The following SEMA4A variants were observed in gnomAD, a reference collection of about 807,000 sequenced individuals.
SEMA4A encodes semaphorin-4A.
In SEMA4A, 52 loss-of-function variants were observed where a neutral mutation model predicts 72.5. That is an observed-to-expected ratio of 0.72 (90% CI 0.57 to 0.90). The LOEUF (loss-of-function observed/expected upper bound fraction) is 0.90. SEMA4A is among the 40% of genes least tolerant of loss of function. The pLI is 0.00. For synonymous variants in SEMA4A, 369 were observed against 393.1 expected, an observed-to-expected ratio of 0.94 and a Z score of 0.73; for missense variants, 926 against 959.7, an observed-to-expected ratio of 0.96 and a Z score of 0.46.
At chr1:156,149,149 A>C (rs1212219611), upstream of SEMA4A, among the ~76,000 whole-genome samples, 1 of 152,162 alleles carries the variant, frequency 6.6e-6, no homozygotes, top group African/African-American at 2.4e-5. Context: ...GTTAGGGCCC[A>C]GTAGAGACAT....
At chr1:156,159,031 CAAAAA>C (rs34840198) in intron 6 of SEMA4A, 48 of 287,294 alleles carry the variant, frequency 1.7e-4, no homozygotes, top group Non-Finnish European at 1.8e-4. Context: ...GAGATCGTCT[CAAAAA>C]AAAAAAAAAA....
chr1:156,175,516 CT>C (rs759652596), intron 13 of SEMA4A, 39 bp from the exon 14 acceptor site: 1 of 1,513,654 alleles, frequency 6.6e-7, no homozygotes, highest in Non-Finnish European at 9.1e-7. Flanking sequence ...CCACTTTCAG[CT>C]CTTTTGAAGG....
At chr1:156,173,111 GT>G in intron 11 of SEMA4A, 105 bp downstream of exon 11, 2 of 1,172,086 alleles carry the variant, frequency 1.7e-6, no homozygotes, top group Non-Finnish European at 2.5e-6. Flanking sequence ...TTCAACAACT[GT>G]TTACTGAGCA....
chr1:156,152,037 A>C (rs1652580737), upstream of SEMA4A, among the ~76,000 whole-genome samples: 1 of 150,838 alleles, frequency 6.6e-6, no homozygotes, highest in South Asian at 2.1e-4. Flanking sequence ...GGGAGGACTG[A>C]GGGACTAGGA....
chr1:156,161,702 A>G, intron 9 of SEMA4A, 184 bp downstream of exon 9: 6 of 612,344 alleles, frequency 9.8e-6, no homozygotes, highest in Non-Finnish European at 1.7e-5. Context: ...AATGGGAAAA[A>G]TAAGACGCAG....
intron 3 of SEMA4A, among the ~76,000 whole-genome samples, 171 bp downstream of exon 3, chr1:156,156,745 C>CT (rs3055907): frequency 3.1e-4 from 44 of 141,152 alleles, no homozygotes; most frequent in East Asian, 8.2e-4. Flanking sequence ...CGTGGCCTCA[C>CT]TTTTTTTTTT....
chr1:156,158,780 A>G lies in SEMA4A; in HGVS notation c.524A>G (p.Gln175Arg), dbSNP rs886042738. The change falls in exon 6 of 15, where the codon CAA becomes CGA. Residue 175 changes from glutamine (Q) to arginine (R), a missense_variant. Coordinates refer to ENST00000368285, the MANE Select transcript of SEMA4A (RefSeq NM_022367.4). ...SEDKVMEGKG[Q>R]SPFDPAHKHT... ...GACAAGGTCATGGAGGGAAAAGGCC[A>G]AAGCCCCTTTGACCCCGCTCACAAG... 6.2e-7 allele frequency: 1 copy of G among 1,613,902 alleles called. No individual in the cohort carries two copies. Among genetic ancestry groups the G allele is most frequent in the African/African-American group, 1.3e-5 (1 of 74,862 alleles).
chr1:156,174,608 G>C (rs73006747), intron 11 of SEMA4A, among the ~76,000 whole-genome samples: 4,806 of 152,242 alleles, frequency 0.032, 278 homozygotes, highest in African/African-American at 0.11. Flanking sequence ...TTGTCAGGGA[G>C]TTGCAAAGGA....
intron 4 of SEMA4A, 116 bp downstream of exon 4, chr1:156,158,248 C>G: frequency 7.7e-7 from 1 of 1,300,492 alleles, no homozygotes; most frequent in Non-Finnish European, 1.1e-6. Flanking sequence ...GCACGGTTAT[C>G]TCCTGGATTA....
chr1:156,151,607 C>T (rs116720437), upstream of SEMA4A, among the ~76,000 whole-genome samples: 2,093 of 152,070 alleles, frequency 0.014, 29 homozygotes, highest in Middle Eastern at 0.041. Context: ...CTGAGTCAGG[C>T]GGATCACTTG....
chr1:156,156,411 CAG>C lies in SEMA4A; in HGVS notation c.140-2_140-1del, dbSNP rs757563216. ...CACTCTCTCTGTCTTACTCCTCCAA[CAG>C]GGGATGAACGTAGGGCACTTAGCTT... On this transcript the variant is annotated splice_acceptor_variant, in intron 2 of 14. Transcript: ENST00000368285. LOFTEE classifies it high-confidence loss of function. 4 of 1,613,998 alleles carry C rather than the reference CAG, an allele frequency of 2.5e-6. No homozygotes were observed. The highest frequency in any genetic ancestry group is 1.7e-5 in the Admixed American group (1 of 60,028).
chr1:156,158,219 C>A, intron 4 of SEMA4A, 87 bp downstream of exon 4: 1 of 1,437,090 alleles, frequency 7.0e-7, no homozygotes. Context: ...GGTTGGGCGG[C>A]AGTGGAGGGC....
intron 10 of SEMA4A, among the ~76,000 whole-genome samples, chr1:156,164,982 G>A (rs576491792): frequency 1.3e-5 from 2 of 151,918 alleles, no homozygotes; most frequent in African/African-American, 4.8e-5. Context: ...TGTAATTTTA[G>A]TAGAGATGGG....
chr1:156,152,984 C>A (rs146783108), upstream of SEMA4A, among the ~76,000 whole-genome samples: 720 of 152,104 alleles, frequency 4.7e-3, no homozygotes, highest in Middle Eastern at 0.02. Flanking sequence ...GGGTGAGCAG[C>A]CACCTTTGGG....
chr1:156,176,709 C>G lies in SEMA4A; in HGVS notation c.1998C>G (p.Thr666=). Reference sequence around the variant, plus strand: ...GGGAGCATGTGAAGGTCCCGTTGACCAGGGTCAGTGGTGGGGCCGCCCTGG... The same window carrying G: ...GGGAGCATGTGAAGGTCCCGTTGACGAGGGTCAGTGGTGGGGCCGCCCTGG... The part of the protein sequence containing the change: ...IPREHVKVPL[T]RVSGGAALAA... The change falls in exon 15 of 15, where the codon ACC becomes ACG. Residue 666 remains threonine (T), a synonymous_variant. Coordinates refer to ENST00000368285, the MANE Select transcript of SEMA4A (RefSeq NM_022367.4). 6.2e-7 allele frequency: 1 copy of G among 1,614,040 alleles called. No individual in the cohort carries two copies. The highest frequency in any genetic ancestry group is 8.5e-7 in the Non-Finnish European group (1 of 1,179,898).
At chr1:156,170,263 A>G (rs1342264212) in intron 10 of SEMA4A, among the ~76,000 whole-genome samples, 2 of 150,580 alleles carry the variant, frequency 1.3e-5, no homozygotes, top group Admixed American at 1.3e-4. Flanking sequence ...CAGGAGTTGG[A>G]GACCACCCTG....
At chr1:156,175,429 C>A in intron 13 of SEMA4A, 127 bp from the exon 14 acceptor site, 1 of 1,095,316 alleles carries the variant, frequency 9.1e-7, no homozygotes, top group African/African-American at 1.6e-5. Context: ...GGCCATTCCG[C>A]GTTCCTCTCT....
chr1:156,169,799 C>G (rs76222079), intron 10 of SEMA4A, among the ~76,000 whole-genome samples: 65,250 of 149,890 alleles, frequency 0.44, 14,564 homozygotes, highest in African/African-American at 0.55. Flanking sequence ...GGCCGAGGCA[C>G]GTGGATCATG....
At chr1:156,174,123 T>A (rs1655076079) in intron 11 of SEMA4A, among the ~76,000 whole-genome samples, 2 of 150,304 alleles carry the variant, frequency 1.3e-5, no homozygotes. Flanking sequence ...AAAAAAAAAA[T>A]AGCCATTGTG....
Sources: gnomAD v4.1 joint callset for allele counts (sites outside exome capture counted in the v4.1 genomes callset) on GRCh38, gnomAD v4.1.1 for gene constraint, MANE v1.5 for transcripts, NCBI Gene and HGNC (gene_info 2026-07-23, HGNC 2026-07-21) for gene names.